Variants in KDM3B observed in about 807,000 individuals in gnomAD.
KDM3B encodes lysine demethylase 3B.
KDM3B carries 10 observed loss-of-function variants against 170.0 expected under a neutral mutation model. The observed-to-expected ratio is 0.06, with a 90% CI of 0.04 to 0.10. The LOEUF (loss-of-function observed/expected upper bound fraction) is 0.10, where lower values mean the gene tolerates loss of function less well. Ranked by LOEUF, KDM3B falls within the 10% of genes least tolerant of loss-of-function variation. The pLI, the probability that KDM3B is intolerant of heterozygous loss-of-function variation, is 1.00. For missense variants in KDM3B, 1,394 were observed against 2,195.2 expected (o/e 0.64, Z 7.29); for synonymous variants, 831 against 834.8 (o/e 1.00, Z 0.08).
At position 138,393,272 on chromosome 5, in the gene KDM3B, C is replaced by T. The variant is rs767811799; in HGVS notation, c.2731C>T (p.Leu911=). The T allele has an allele frequency of 6.2e-7, 1 of 1,614,232 alleles. No homozygotes were observed. Among genetic ancestry groups the T allele is most frequent in the South Asian group, 1.1e-5 (1 of 91,088 alleles). Residue 911 remains leucine, a synonymous_variant, in exon 9 of 24, where the codon CTG becomes TTG. Transcript: ENST00000314358. ...GTCATGCATCAATGTGGCACCTCATCTGCACAAGTGTCGTGAATGCCGCCT... is the reference window on the plus strand; with the variant it reads ...GTCATGCATCAATGTGGCACCTCATTTGCACAAGTGTCGTGAATGCCGCCT... ...DGSCINVAPH[L]HKCRECRLER...
At chr5:138,427,881 C>A in intron 19 of KDM3B, 86 bp from the exon 20 acceptor site, 1 of 1,292,700 alleles carries the variant, frequency 7.7e-7, no homozygotes. Flanking sequence ...TTAACAACAC[C>A]CTTGAGCATG....
At chr5:138,421,070 G>A (rs1469595358) in intron 15 of KDM3B, 108 bp downstream of exon 15, 1 of 1,293,760 alleles carries the variant, frequency 7.7e-7, no homozygotes, top group Admixed American at 2.0e-5. Context: ...TCTCTACATT[G>A]TCAAGCTGAC....
chr5:138,371,446 C>T (rs562937554), intron 1 of KDM3B, among the ~76,000 whole-genome samples: 1 of 148,412 alleles, frequency 6.7e-6, no homozygotes, highest in Non-Finnish European at 1.5e-5. Context: ...CAAAGTGAGA[C>T]CCTGTCTCAA....
intron 7 of KDM3B, among the ~76,000 whole-genome samples, chr5:138,388,776 C>A (rs2126946389): frequency 6.6e-6 from 1 of 152,220 alleles, no homozygotes; most frequent in African/African-American, 2.4e-5. Context: ...TGCGCCACTG[C>A]ACTCCAGCTT....
chr5:138,427,839 C>A, intron 19 of KDM3B, 128 bp from the exon 20 acceptor site: 1 of 840,938 alleles, frequency 1.2e-6, no homozygotes, highest in Non-Finnish European at 1.9e-6. Context: ...TCTTCATAAA[C>A]AAATAGACTT....
At chr5:138,402,557 A>G (rs545822888) in intron 11 of KDM3B, among the ~76,000 whole-genome samples, 41 of 152,350 alleles carry the variant, frequency 2.7e-4, no homozygotes, top group Non-Finnish European at 4.4e-4. Flanking sequence ...CATGGTTAGA[A>G]TAGGACCTGA....
chr5:138,408,487 G>A (rs1456699044), intron 11 of KDM3B, among the ~76,000 whole-genome samples: 5 of 150,822 alleles, frequency 3.3e-5, no homozygotes, highest in African/African-American at 1.2e-4. Flanking sequence ...GTAAATTATA[G>A]CAAACATTTA....
intron 23 of KDM3B, 105 bp downstream of exon 23, chr5:138,431,664 A>G: frequency 9.7e-7 from 1 of 1,028,970 alleles, no homozygotes; most frequent in Middle Eastern, 2.2e-4. Context: ...CGAAGGTCTA[A>G]TTGTGGAGGA....
At chr5:138,425,741 C>G (rs767030923) in intron 17 of KDM3B, 159 bp downstream of exon 17, 2 of 637,766 alleles carry the variant, frequency 3.1e-6, no homozygotes, top group Non-Finnish European at 5.1e-6. Flanking sequence ...GGCGTGGTTG[C>G]TCGCTCCTGT....
chr5:138,404,128 G>A (rs1379210625), intron 11 of KDM3B, among the ~76,000 whole-genome samples: 1 of 152,160 alleles, frequency 6.6e-6, no homozygotes, highest in Admixed American at 6.5e-5. Flanking sequence ...TTGTAGAGCT[G>A]CAGGAAATAT....
intron 13 of KDM3B, among the ~76,000 whole-genome samples, chr5:138,418,732 A>C (rs1763173704): frequency 6.6e-6 from 1 of 152,270 alleles, no homozygotes; most frequent in African/African-American, 2.4e-5. Context: ...TTTAGATTAC[A>C]AACTTCAAGC....
rs1329206881 is a variant in KDM3B at position 138,436,474 on chromosome 5, G to A, written c.*774G>A. ...TTTTAGAAATCAGCTACCCATTATA[G>A]CACAAAATCAGCCAAAGCAGAATTT... On this transcript the variant is annotated 3_prime_UTR_variant, in exon 24 of 24. Transcript: ENST00000314358. The A allele has an allele frequency of 6.6e-6, 1 of 152,090 alleles. No individual in the cohort carries two copies. The highest frequency in any genetic ancestry group is 1.5e-5 in the Non-Finnish European group (1 of 68,014). 9.4% of individuals were successfully genotyped at this position (152,090 alleles called of 1,614,324 possible).
intron 13 of KDM3B, chr5:138,418,085 T>TC (rs1424654002): frequency 6.7e-6 from 1 of 149,268 alleles, no homozygotes; most frequent in East Asian, 1.9e-4. Context: ...GTTTTTTTTT[T>TC]TTTTTTTTTT....
intron 11 of KDM3B, among the ~76,000 whole-genome samples, chr5:138,413,212 T>C (rs1763018518): frequency 6.6e-6 from 1 of 151,950 alleles, no homozygotes; most frequent in Non-Finnish European, 1.5e-5. Flanking sequence ...TGAACCCCTG[T>C]CTCTATGAAA....
intron 8 of KDM3B, among the ~76,000 whole-genome samples, 200 bp from the exon 9 acceptor site, chr5:138,392,971 G>T (rs1762470618): frequency 6.6e-6 from 1 of 152,156 alleles, no homozygotes; most frequent in Non-Finnish European, 1.5e-5. Context: ...CACAAGTTCT[G>T]CATGGTTCTT....
At position 138,394,588 on chromosome 5, in the gene KDM3B, G is replaced by A. The variant is rs562000048; in HGVS notation, c.2831+1216G>A. Among the ~76,000 whole-genome samples, 121 of 152,286 alleles carry A rather than the reference G, an allele frequency of 7.9e-4. 2 individuals carry two copies. The highest frequency in any genetic ancestry group is 2.7e-3 in the African/African-American group (114 of 41,548). On this transcript the variant is annotated intron_variant, in intron 9 of 23. Coordinates refer to ENST00000314358, the MANE Select transcript of KDM3B (RefSeq NM_016604.4). Reference sequence around the variant, plus strand: ...CAGGTGCAAGCATCCCAAAGCTGGAGTATTTCTGGTGTGTCCATAAAGTTA... The same window carrying A: ...CAGGTGCAAGCATCCCAAAGCTGGAATATTTCTGGTGTGTCCATAAAGTTA...
At chr5:138,409,813 G>A (rs886559363) in intron 11 of KDM3B, among the ~76,000 whole-genome samples, 9 of 152,314 alleles carry the variant, frequency 5.9e-5, no homozygotes, top group South Asian at 4.1e-4. Flanking sequence ...GCCGAGCGCC[G>A]TGGCTAACTC....
intron 1 of KDM3B, among the ~76,000 whole-genome samples, chr5:138,359,460 C>T (rs1003575607): frequency 6.7e-6 from 1 of 148,994 alleles, no homozygotes; most frequent in African/African-American, 2.4e-5. Flanking sequence ...CCGTGCCCCC[C>T]CCACCTTTTT....
Position 138,427,116 on chromosome 5 carries a change from C to G in KDM3B, c.4502+51C>G, listed in dbSNP as rs757146418. ...TTCAGAAGCCATCACAAAGTAATCA[C>G]AGAAAAGTGAAATTTGTCTATTGGC... On this transcript the variant is annotated intron_variant, in intron 18 of 23. Coordinates refer to ENST00000314358, the MANE Select transcript of KDM3B (RefSeq NM_016604.4). 40 of 1,606,400 alleles carry G rather than the reference C, an allele frequency of 2.5e-5. 1 individual carries two copies. The highest frequency in any genetic ancestry group is 8.5e-7 in the Non-Finnish European group (1 of 1,173,300).
Sources: gnomAD v4.1 joint callset for allele counts (sites outside exome capture counted in the v4.1 genomes callset) on GRCh38, gnomAD v4.1.1 for gene constraint, MANE v1.5 for transcripts, NCBI Gene and HGNC (gene_info 2026-07-23, HGNC 2026-07-21) for gene names.